ATE1: variants seen among roughly 807,000 people sequenced by gnomAD.
ATE1 encodes arginyl-tRNA--protein transferase 1.
Under a neutral mutation model 70.5 loss-of-function variants are expected in ATE1, and 36 were observed. That is an observed-to-expected ratio of 0.51 (90% confidence interval 0.39 to 0.67). The LOEUF is 0.67. ATE1 is among the 30% of genes least tolerant of loss of function. ATE1 has a pLI of 0.00. For synonymous variants in ATE1, 232 were observed against 219.3 expected (o/e 1.06, Z -0.51); for missense variants, 593 against 629.5 (o/e 0.94, Z 0.62).
chr10:121,855,174 C>T (rs1333707607), intron 8 of ATE1, among the ~76,000 whole-genome samples: 4 of 152,188 alleles, frequency 2.6e-5, no homozygotes, highest in Non-Finnish European at 4.4e-5. Context: ...CTGTGGACAG[C>T]TTTTTTCTTT....
At chr10:121,881,409 CAAG>C (rs1179582978) in intron 7 of ATE1, among the ~76,000 whole-genome samples, 1 of 152,090 alleles carries the variant, frequency 6.6e-6, no homozygotes, top group Admixed American at 6.5e-5. Flanking sequence ...CCTGTATGAA[CAAG>C]AAGCTCTACC....
intron 10 of ATE1, among the ~76,000 whole-genome samples, chr10:121,835,060 G>A (rs1948383209): frequency 2.0e-5 from 3 of 152,044 alleles, no homozygotes; most frequent in Admixed American, 2.0e-4. Flanking sequence ...TAGTAAAAAC[G>A]TAAGCAAATC....
At chr10:121,830,728 T>C (rs1033271066) in intron 10 of ATE1, among the ~76,000 whole-genome samples, 2 of 152,162 alleles carry the variant, frequency 1.3e-5, no homozygotes, top group Admixed American at 6.5e-5. Flanking sequence ...CCCAAAAGTA[T>C]TCCCAAAATA....
chr10:121,872,357 C>A (rs991744316), intron 7 of ATE1, among the ~76,000 whole-genome samples: 5 of 152,060 alleles, frequency 3.3e-5, no homozygotes, highest in African/African-American at 9.7e-5. Context: ...TTTGAAGCCA[C>A]CAAAATGTGA....
chr10:121,848,486 T>G (rs369777750), intron 8 of ATE1, among the ~76,000 whole-genome samples: 1 of 149,516 alleles, frequency 6.7e-6, no homozygotes, highest in East Asian at 2.0e-4. Context: ...GGTGTGGTGG[T>G]GGGGGCCTGT....
chr10:121,876,966 CAAAAA>C, intron 7 of ATE1, among the ~76,000 whole-genome samples: 1 of 91,702 alleles, frequency 1.1e-5, no homozygotes, highest in African/African-American at 3.8e-5. Flanking sequence ...ACTCCAGTCT[CAAAAA>C]AAAAAAAAAA....
At position 121,793,043 on chromosome 10, in the gene ATE1, G is replaced by A. The variant is rs781231984; in HGVS notation, c.1258-2754C>T. ...TATATTTAAAAACAGACTTGTATCC[G>A]GAATATATAAAGAATTATAACAACT... On this transcript the variant is annotated intron_variant, in intron 10 of 11. Transcript: ENST00000224652. 5.9e-5 allele frequency among the ~76,000 whole-genome samples: 9 copies of A among 152,078 alleles called. No homozygotes were observed. In the East Asian group the frequency reaches 7.7e-4, roughly 13 times the overall value.
At chr10:121,807,376 T>C (rs1051389353) in intron 10 of ATE1, among the ~76,000 whole-genome samples, 51 of 152,156 alleles carry the variant, frequency 3.4e-4, no homozygotes, top group Non-Finnish European at 7.1e-4. Flanking sequence ...GTAAATCACA[T>C]GGAAGAACTC....
At position 121,918,976 on chromosome 10, in the gene ATE1, G is replaced by C. The variant is rs561499491; in HGVS notation, c.233+3373C>G. 4.0e-5 allele frequency among the ~76,000 whole-genome samples: 6 copies of C among 151,766 alleles called. No individual in the cohort carries two copies. The South Asian group carries it at 1.3e-3, about 32-fold the overall frequency. ...TCTGTGGCTAGAGGTTTGTAAAATGGACCAATCAGCACTCTATAAAATGGA... is the reference window on the plus strand; with the variant it reads ...TCTGTGGCTAGAGGTTTGTAAAATGCACCAATCAGCACTCTATAAAATGGA... On this transcript the variant is annotated intron_variant, in intron 3 of 11. Transcript: ENST00000224652.
At chr10:121,816,538 C>T (rs764951758) in intron 10 of ATE1, among the ~76,000 whole-genome samples, 6 of 152,110 alleles carry the variant, frequency 3.9e-5, no homozygotes, top group East Asian at 1.9e-4. Context: ...CCTTCTGCCC[C>T]GTGAGGACAC....
chr10:121,927,783 A>G, intron 1 of ATE1, 61 bp downstream of exon 1: 1 of 1,503,322 alleles, frequency 6.7e-7, no homozygotes, highest in East Asian at 2.7e-5. Context: ...TCGCTGGGGG[A>G]CCCTGGGATC....
In ATE1 at chr10:121,902,588, G is replaced by C; in HGVS notation, c.616C>G (p.Arg206Gly). ...TCTTTCCGGATTTCCTTTGCTTTTC[G>C]ACATGGAGGCTTACTCAAATCAGCC... ...KGADLSKPPC[R>G]KAKEIRKERK... Residue 206 changes from arginine (R) to glycine (G), a missense_variant, in exon 6 of 12, where the codon CGA becomes GGA. By Grantham distance (125) the Arg-to-Gly change is moderately radical. Coordinates refer to ENST00000224652, the MANE Select transcript of ATE1 (RefSeq NM_001001976.3). The C allele has an allele frequency of 6.2e-7, 1 of 1,612,940 alleles. No homozygotes were observed. The highest frequency in any genetic ancestry group is 1.3e-5 in the African/African-American group (1 of 74,996).
chr10:121,907,427 T>C (rs1387818191), intron 5 of ATE1, among the ~76,000 whole-genome samples: 1 of 151,236 alleles, frequency 6.6e-6, no homozygotes, highest in Non-Finnish European at 1.5e-5. Context: ...ATAGCGCCAT[T>C]GCACTCCAGC....
intron 10 of ATE1, among the ~76,000 whole-genome samples, chr10:121,800,578 A>G (rs1379642178): frequency 6.6e-6 from 1 of 152,230 alleles, no homozygotes; most frequent in African/African-American, 2.4e-5. Context: ...TGAAAGTTCA[A>G]GTTAAATTAA....
chr10:121,896,570 A>G (rs1448016940), intron 7 of ATE1, among the ~76,000 whole-genome samples: 1 of 152,130 alleles, frequency 6.6e-6, no homozygotes, highest in Non-Finnish European at 1.5e-5. Flanking sequence ...GCACTTTGGG[A>G]GGCCAAGGTG....
intron 11 of ATE1, among the ~76,000 whole-genome samples, chr10:121,752,023 C>A (rs1223126607): frequency 6.6e-6 from 1 of 151,276 alleles, no homozygotes; most frequent in East Asian, 2.0e-4. Flanking sequence ...GAAACCCCGT[C>A]TCTACTAAAA....
intron 10 of ATE1, among the ~76,000 whole-genome samples, chr10:121,832,268 T>A (rs1948269117): frequency 6.6e-6 from 1 of 152,224 alleles, no homozygotes; most frequent in African/African-American, 2.4e-5. Context: ...AAACTAACCA[T>A]TTTATTCAGA....
chr10:121,907,723 C>T (rs747969688), intron 5 of ATE1, among the ~76,000 whole-genome samples: 5 of 150,896 alleles, frequency 3.3e-5, no homozygotes, highest in African/African-American at 1.2e-4. Flanking sequence ...GAGCCAAGAT[C>T]GCACTACTGC....
At chr10:121,796,397 G>A (rs1034480435) in intron 10 of ATE1, among the ~76,000 whole-genome samples, 1 of 152,050 alleles carries the variant, frequency 6.6e-6, no homozygotes, top group Non-Finnish European at 1.5e-5. Flanking sequence ...GCCGTCAAAG[G>A]GAAAAGTTCA....
Sources: allele counts gnomAD v4.1 joint callset (sites outside exome capture counted in the v4.1 genomes callset), GRCh38; gene constraint gnomAD v4.1.1; transcripts MANE v1.5; gene names NCBI Gene and HGNC (gene_info 2026-07-23, HGNC 2026-07-21).